The following TRIO variants were observed in gnomAD, a reference collection of about 807,000 sequenced individuals.
TRIO encodes trio Rho guanine nucleotide exchange factor.
A neutral mutation model predicts 351.9 loss-of-function variants in TRIO; 58 were observed. The observed-to-expected ratio is 0.16, with a 90% CI of 0.13 to 0.21. The LOEUF (loss-of-function observed/expected upper bound fraction) is 0.21, where lower values mean the gene tolerates loss of function less well. Among genes scored for constraint, TRIO ranks in the 10% least tolerant of loss-of-function variants. The pLI is 1.00. For synonymous variants in TRIO, 1,758 were observed against 1,595.7 expected, an observed-to-expected ratio of 1.10 and a Z score of -2.42; for missense variants, 3,201 against 4,027.8, an observed-to-expected ratio of 0.79 and a Z score of 5.56.
At position 14,280,425 on chromosome 5, in the gene TRIO, C is replaced by G. The variant is rs1465408574; in HGVS notation, c.336C>G (p.Ala112=). Residue 112 remains alanine, a synonymous_variant, in exon 3 of 57, where the codon GCC becomes GCG. Transcript: ENST00000344204. The stretch of plus-strand genomic sequence containing the variant: ...TCAGGAGACTCATTTCCTATCTAGC[C>G]TGTATTCCCAGGTAAGTTCTGTGTG... ...EDLRRLISYL[A]CIPSEEVCKR... is the part of the protein sequence containing the mutation. 2 of 1,614,016 alleles carry G rather than the reference C, an allele frequency of 1.2e-6. No individual in the cohort carries two copies. The highest frequency in any genetic ancestry group is 8.5e-7 in the Non-Finnish European group (1 of 1,179,914).
chr5:14,430,147 A>C (rs1750969538), intron 34 of TRIO, among the ~76,000 whole-genome samples: 1 of 151,808 alleles, frequency 6.6e-6, no homozygotes, highest in East Asian at 1.9e-4. Context: ...TATAGGGAAA[A>C]AATCAATATA....
At chr5:14,421,312 G>T (rs1018447327) in intron 34 of TRIO, among the ~76,000 whole-genome samples, 32 of 139,394 alleles carry the variant, frequency 2.3e-4, no homozygotes, top group Admixed American at 9.1e-4. Flanking sequence ...AAACTCATAA[G>T]ATTGTTCCTG....
At chr5:14,419,409 C>G (rs1030173992) in intron 33 of TRIO, among the ~76,000 whole-genome samples, 1 of 152,164 alleles carries the variant, frequency 6.6e-6, no homozygotes, top group South Asian at 2.1e-4. Context: ...AAGCATGGAA[C>G]GCCCAACACT....
intron 47 of TRIO, among the ~76,000 whole-genome samples, chr5:14,486,514 A>G (rs541200667): frequency 3.2e-4 from 49 of 152,320 alleles, no homozygotes; most frequent in Non-Finnish European, 4.7e-4. Flanking sequence ...TCAGGTGCGA[A>G]GAGGTTCAAT....
At chr5:14,400,871 C>G in intron 30 of TRIO, 92 bp from the exon 31 acceptor site, 2 of 1,183,894 alleles carry the variant, frequency 1.7e-6, no homozygotes, top group Non-Finnish European at 2.4e-6. Flanking sequence ...CTAACATGGC[C>G]ACAAGTAACC....
At chr5:14,275,866 G>GTATATATATATATATATATATGTGTATA (rs56388390) in intron 2 of TRIO, among the ~76,000 whole-genome samples, 2 of 143,942 alleles carry the variant, frequency 1.4e-5, no homozygotes, top group Non-Finnish European at 3.0e-5. Flanking sequence ...CTCTATGTGT[G>GTATATATATATATATATATATGTGTATA]TATATATATA....
intron 11 of TRIO, among the ~76,000 whole-genome samples, chr5:14,357,934 C>A (rs58897996): frequency 2.6e-5 from 4 of 152,066 alleles, no homozygotes; most frequent in Non-Finnish European, 4.4e-5. Context: ...GCCCGCCGTT[C>A]GCCTGTTTAT....
At chr5:14,314,552 C>T (rs1055407321) in intron 8 of TRIO, among the ~76,000 whole-genome samples, 1 of 151,882 alleles carries the variant, frequency 6.6e-6, no homozygotes, top group Non-Finnish European at 1.5e-5. Context: ...CTTTGATTAA[C>T]ATGGTTGTTG....
intron 27 of TRIO, among the ~76,000 whole-genome samples, chr5:14,391,968 A>T (rs1359487237): frequency 2.0e-5 from 3 of 152,328 alleles, no homozygotes; most frequent in Middle Eastern, 3.4e-3. Context: ...AATATTTCAC[A>T]TGATTCTAGG....
In TRIO at chr5:14,497,867, T is replaced by G. The variant is rs1461434284; in HGVS notation, c.8040T>G (p.Ile2680Met). The change falls in exon 51 of 57, where the codon ATT becomes ATG. Residue 2680 changes from isoleucine to methionine, a missense_variant. Coordinates refer to ENST00000344204, the MANE Select transcript of TRIO (RefSeq NM_007118.4). This position sits in a 1 kb window ranked among gnomAD's most constrained non-coding sequence, Gnocchi z 4.4. The part of the protein sequence containing the change: ...VSVKLLNPNY[I>M]YDVPPEFVIP... ...TTCAGCTTCTCAATCCCAACTACAT[T>G]TATGACGGTGAGTTCTGTTCTTTTT... The G allele has an allele frequency of 6.2e-7, 1 of 1,614,242 alleles. No homozygotes were observed. The highest frequency in any genetic ancestry group is 8.5e-7 in the Non-Finnish European group (1 of 1,180,048).
intron 1 of TRIO, among the ~76,000 whole-genome samples, chr5:14,180,603 G>C (rs528346238): frequency 6.6e-6 from 1 of 152,316 alleles, no homozygotes; most frequent in South Asian, 2.1e-4. Context: ...AGAGGCCGAG[G>C]TGGGAAGATC....
At chr5:14,311,918 A>G (rs1435560126) in intron 8 of TRIO, among the ~76,000 whole-genome samples, 1 of 152,134 alleles carries the variant, frequency 6.6e-6, no homozygotes, top group Non-Finnish European at 1.5e-5. Flanking sequence ...TGGGAATGCC[A>G]TTTTCTAGCA....
At chr5:14,423,825 T>C (rs751658236) in intron 34 of TRIO, among the ~76,000 whole-genome samples, 1 of 151,810 alleles carries the variant, frequency 6.6e-6, no homozygotes, top group Non-Finnish European at 1.5e-5. Flanking sequence ...ACTCAGGACA[T>C]CTGGAAAACC....
intron 11 of TRIO, among the ~76,000 whole-genome samples, chr5:14,340,982 C>G (rs145087180): frequency 2.0e-5 from 3 of 152,310 alleles, no homozygotes; most frequent in South Asian, 2.1e-4. Flanking sequence ...TCCTGAGGTT[C>G]GTAGCCTCCT....
intron 27 of TRIO, among the ~76,000 whole-genome samples, chr5:14,392,216 C>T (rs1747141943): frequency 6.7e-6 from 1 of 149,390 alleles, no homozygotes; most frequent in Non-Finnish European, 1.5e-5. Context: ...CCAGAATCTA[C>T]AATGAACTTA....
intron 1 of TRIO, among the ~76,000 whole-genome samples, chr5:14,193,899 G>A (rs971181801): frequency 7.5e-5 from 4 of 53,418 alleles, no homozygotes; most frequent in South Asian, 5.7e-4. Flanking sequence ...CTGTGTGTTC[G>A]TGTGCCTGGT....
intron 1 of TRIO, among the ~76,000 whole-genome samples, chr5:14,223,080 G>A (rs79078971): frequency 0.011 from 1,639 of 152,298 alleles, 37 homozygotes; most frequent in African/African-American, 0.037. Flanking sequence ...ACAGAGGCAG[G>A]TAAGAGGACA....
At chr5:14,450,667 C>T (rs1287686674) in intron 34 of TRIO, among the ~76,000 whole-genome samples, 10 of 152,182 alleles carry the variant, frequency 6.6e-5, no homozygotes, top group African/African-American at 2.4e-4. Flanking sequence ...GTAAAATTTG[C>T]TTTTAATAGT....
intron 54 of TRIO, among the ~76,000 whole-genome samples, chr5:14,503,010 G>A (rs152433): frequency 0.11 from 17,101 of 152,242 alleles, 1,089 homozygotes; most frequent in Admixed American, 0.19. Flanking sequence ...TGCCCTTCAC[G>A]TTTCATTTGT....
Sources: allele counts gnomAD v4.1 joint callset (sites outside exome capture counted in the v4.1 genomes callset), GRCh38; gene constraint gnomAD v4.1.1; non-coding constraint Gnocchi (gnomAD v3.1); transcripts MANE v1.5; gene names NCBI Gene and HGNC (gene_info 2026-07-23, HGNC 2026-07-21).